Variants in PTPRD observed in about 807,000 individuals in gnomAD.
PTPRD encodes protein tyrosine phosphatase receptor type D, also known as receptor-type tyrosine-protein phosphatase delta.
A neutral mutation model predicts 214.5 loss-of-function variants in PTPRD; 34 were observed. The ratio of observed to expected loss-of-function variants is 0.16; its 90% CI spans 0.12 to 0.21. PTPRD has a LOEUF of 0.21. Among genes scored for constraint, PTPRD ranks in the 10% least tolerant of loss-of-function variants. The pLI is 1.00. For synonymous variants in PTPRD, 1,128 were observed against 845.7 expected, an observed-to-expected ratio of 1.33 and a Z score of -5.79; for missense variants, 2,545 against 2,398.7, an observed-to-expected ratio of 1.06 and a Z score of -1.27.
At chr9:9,543,863 T>C (rs894698584) in intron 8 of PTPRD, among the ~76,000 whole-genome samples, 3 of 151,708 alleles carry the variant, frequency 2.0e-5, no homozygotes, top group Non-Finnish European at 3.0e-5. Flanking sequence ...TGCTTAACTA[T>C]TGTTAAAACA....
chr9:10,531,364 T>C (rs747213684), intron 2 of PTPRD, among the ~76,000 whole-genome samples: 1 of 152,090 alleles, frequency 6.6e-6, no homozygotes, highest in Non-Finnish European at 1.5e-5. Context: ...CACCATACTA[T>C]GCAAAAATGC....
At chr9:9,320,777 C>A (rs1303133320) in intron 9 of PTPRD, among the ~76,000 whole-genome samples, 2 of 152,146 alleles carry the variant, frequency 1.3e-5, no homozygotes, top group Non-Finnish European at 2.9e-5. Flanking sequence ...TCTAAGTTTT[C>A]TACTTTTATG....
intron 11 of PTPRD, among the ~76,000 whole-genome samples, chr9:8,793,631 C>A (rs1291767203): frequency 1.3e-5 from 2 of 152,228 alleles, no homozygotes; most frequent in African/African-American, 4.8e-5. Context: ...TACACAGTTA[C>A]ACCTGCATTC....
intron 11 of PTPRD, among the ~76,000 whole-genome samples, chr9:8,741,829 G>C (rs1250934480): frequency 6.6e-6 from 1 of 151,920 alleles, no homozygotes; most frequent in African/African-American, 2.4e-5. Flanking sequence ...GATGTCGTGA[G>C]TGGCCCATCT....
intron 9 of PTPRD, among the ~76,000 whole-genome samples, chr9:9,228,141 T>A (rs2099960738): frequency 6.6e-6 from 1 of 152,140 alleles, no homozygotes; most frequent in Non-Finnish European, 1.5e-5. Context: ...TATATGCCTG[T>A]ATTTCTAAGG....
chr9:9,457,327 T>C lies in PTPRD; in HGVS notation c.-236-59845A>G, dbSNP rs1453870801. 2.0e-5 allele frequency among the ~76,000 whole-genome samples: 3 copies of C among 152,020 alleles called. No homozygotes were observed. The East Asian group carries it at 5.8e-4, about 29-fold the overall frequency. ...TGATAATCGGTCTCTCTAAACTCAG[T>C]TCTAAGATCCAAAACCAGATTTATC... On this transcript the variant is annotated intron_variant, in intron 8 of 45. Transcript: ENST00000381196.
intron 11 of PTPRD, among the ~76,000 whole-genome samples, chr9:8,890,921 C>A (rs2098533713): frequency 1.3e-5 from 2 of 152,140 alleles, no homozygotes; most frequent in African/African-American, 2.4e-5. Flanking sequence ...GCAAAAGAGG[C>A]CTTTTCAGTC....
rs946317635 is a variant in PTPRD at position 10,190,262 on chromosome 9, T to C, written c.-545+150701A>G. ...TGGTCCTGAATCCCAGCTACTTGGG[T>C]GGCTGAGACAGGACAATTGCTTGAA... On this transcript the variant is annotated intron_variant, in intron 3 of 45. Coordinates refer to ENST00000381196, the MANE Select transcript of PTPRD (RefSeq NM_002839.4). Among the ~76,000 whole-genome samples, 8 of 150,948 alleles carry C rather than the reference T, an allele frequency of 5.3e-5. No individual in the cohort carries two copies. The East Asian group carries it at 1.6e-3, about 30-fold the overall frequency.
rs1370449734 is a variant in PTPRD, at chr9:8,929,821, GTA to G, written c.-104+88874_-104+88875del. 1.3e-3 allele frequency among the ~76,000 whole-genome samples: 65 copies of G among 51,074 alleles called. 4 individuals are homozygous for G. The highest frequency in any genetic ancestry group is 4.8e-3 in the Admixed American group (19 of 3,976). The allele number at this position is 51,074 out of a possible 152,430, so 33.5% of individuals were successfully genotyped here. On this transcript the variant is annotated intron_variant, in intron 11 of 45. Transcript: ENST00000381196. ...TGTGTATATATGTGTATATATATGT[GTA>G]TATATATGTGTATATATATGTGTGT...
At chr9:8,703,267 G>T (rs1300357727) in intron 12 of PTPRD, among the ~76,000 whole-genome samples, 1 of 152,184 alleles carries the variant, frequency 6.6e-6, no homozygotes, top group Non-Finnish European at 1.5e-5. Flanking sequence ...GAAGTTTAAA[G>T]TGCTCTTTTT....
chr9:9,239,210 A>C (rs1247891065), intron 9 of PTPRD, among the ~76,000 whole-genome samples: 1 of 152,044 alleles, frequency 6.6e-6, no homozygotes, highest in Non-Finnish European at 1.5e-5. Context: ...AAAAAAAAAA[A>C]ACCACAAGTA....
In PTPRD at chr9:10,275,611, A is replaced by T. The variant is rs2094636382; in HGVS notation, c.-545+65352T>A. On this transcript the variant is annotated intron_variant, in intron 3 of 45. Transcript: ENST00000381196. Reference sequence around the variant, plus strand: ...AAGTTCGATTCCATTATTGGGATAGACTACCAAAAAAGGGGCCAGTATCCA... The same window carrying T: ...AAGTTCGATTCCATTATTGGGATAGTCTACCAAAAAAGGGGCCAGTATCCA... 2.6e-5 allele frequency among the ~76,000 whole-genome samples: 4 copies of T among 152,162 alleles called. No individual in the cohort carries two copies. The South Asian group carries it at 8.3e-4, about 31-fold the overall frequency.
intron 4 of PTPRD, among the ~76,000 whole-genome samples, chr9:10,026,831 C>A: frequency 6.8e-6 from 1 of 147,430 alleles, no homozygotes; most frequent in African/African-American, 2.5e-5. Flanking sequence ...TGCGGTCTCA[C>A]AAGCAAGTAA....
intron 3 of PTPRD, among the ~76,000 whole-genome samples, chr9:10,279,490 C>T (rs908536303): frequency 5.3e-5 from 8 of 152,064 alleles, no homozygotes; most frequent in Non-Finnish European, 1.2e-4. Flanking sequence ...TTTCTTCCTA[C>T]TAGATCTGCA....
chr9:9,053,073 CT>C (rs2099689450), intron 10 of PTPRD, among the ~76,000 whole-genome samples: 1 of 152,054 alleles, frequency 6.6e-6, no homozygotes, highest in Non-Finnish European at 1.5e-5. Context: ...GAACAATAAG[CT>C]TTATATCTTA....
chr9:10,106,102 A>G (rs2098629779), intron 3 of PTPRD, among the ~76,000 whole-genome samples: 1 of 151,608 alleles, frequency 6.6e-6, no homozygotes, highest in Non-Finnish European at 1.5e-5. Flanking sequence ...CCATGGCACT[A>G]AAAATATTGC....
chr9:9,985,611 C>A (rs985639713), intron 4 of PTPRD, among the ~76,000 whole-genome samples: 2 of 151,940 alleles, frequency 1.3e-5, no homozygotes, highest in African/African-American at 4.8e-5. Flanking sequence ...ATAAAAGGAA[C>A]TTTAAATACT....
chr9:8,628,898 T>C (rs1415189684), intron 14 of PTPRD, among the ~76,000 whole-genome samples: 1 of 151,860 alleles, frequency 6.6e-6, no homozygotes, highest in Non-Finnish European at 1.5e-5. Flanking sequence ...AATTGTACTG[T>C]AGATATGTTC....
intron 11 of PTPRD, among the ~76,000 whole-genome samples, chr9:8,972,780 A>G (rs2099246269): frequency 6.6e-6 from 1 of 151,948 alleles, no homozygotes; most frequent in Non-Finnish European, 1.5e-5. Flanking sequence ...TTTCCCAAGA[A>G]CATTTAATGA....
Sources: gnomAD v4.1 joint callset for allele counts (sites outside exome capture counted in the v4.1 genomes callset) on GRCh38, gnomAD v4.1.1 for gene constraint, MANE v1.5 for transcripts, NCBI Gene and HGNC (gene_info 2026-07-23, HGNC 2026-07-21) for gene names.